The following PDE4B variants were observed in gnomAD, a reference collection of about 807,000 sequenced individuals.
PDE4B encodes 3',5'-cyclic-AMP phosphodiesterase 4B.
In PDE4B, 20 loss-of-function variants were observed where a neutral mutation model predicts 82.2. The observed-to-expected ratio is 0.24, with a 90% confidence interval of 0.17 to 0.35. PDE4B has a LOEUF of 0.35. Ranked by LOEUF, PDE4B falls within the 10% of genes least tolerant of loss-of-function variation. PDE4B has a pLI of 1.00. For missense variants in PDE4B, 655 were observed against 907.2 expected, an observed-to-expected ratio of 0.72 and a Z score of 3.57; for synonymous variants, 320 against 318.9, an observed-to-expected ratio of 1.00 and a Z score of -0.04.
chr1:65,887,055 C>T (rs1240954925), intron 1 of PDE4B, among the ~76,000 whole-genome samples: 1 of 151,866 alleles, frequency 6.6e-6, no homozygotes, highest in African/African-American at 2.4e-5. Flanking sequence ...TTTTAATAGT[C>T]GTTCAACTGG....
In PDE4B at chr1:65,879,513, A is replaced by T. The variant is rs112163481; in HGVS notation, c.-70-33732A>T. Among the ~76,000 whole-genome samples the T allele has an allele frequency of 3.0e-3, 456 of 152,302 alleles. 1 individual carries two copies. The highest frequency in any genetic ancestry group is 0.01 in the African/African-American group (426 of 41,566). On this transcript the variant is annotated intron_variant, in intron 1 of 16. Transcript: ENST00000341517. ...TATGTATAAAATGTATTATAGAAAAATATGAGAAGAGATTTAATTTGGACT... is the reference window on the plus strand; with the variant it reads ...TATGTATAAAATGTATTATAGAAAATTATGAGAAGAGATTTAATTTGGACT...
At chr1:65,895,055 C>T (rs1221116958) in intron 1 of PDE4B, among the ~76,000 whole-genome samples, 7 of 152,092 alleles carry the variant, frequency 4.6e-5, no homozygotes, top group Admixed American at 2.6e-4. Flanking sequence ...CAAATTAAAA[C>T]ATATGTCTTT....
At chr1:66,180,769 A>C (rs764598573) in intron 3 of PDE4B, among the ~76,000 whole-genome samples, 7 of 152,178 alleles carry the variant, frequency 4.6e-5, no homozygotes, top group Non-Finnish European at 1.0e-4. Flanking sequence ...AGTGGTGATC[A>C]GATGTGGAAG....
At chr1:65,997,108 A>G (rs1469626483) in intron 3 of PDE4B, among the ~76,000 whole-genome samples, 1 of 151,830 alleles carries the variant, frequency 6.6e-6, no homozygotes, top group Non-Finnish European at 1.5e-5. Flanking sequence ...AGCTACTGCA[A>G]TGGTCTTGAA....
intron 3 of PDE4B, among the ~76,000 whole-genome samples, chr1:66,237,912 A>T (rs532207703): frequency 5.9e-5 from 9 of 152,308 alleles, no homozygotes; most frequent in Admixed American, 5.9e-4. Context: ...AGTGCAACAG[A>T]TGGCCCTCGT....
intron 1 of PDE4B, among the ~76,000 whole-genome samples, chr1:65,873,046 CA>C (rs949536034): frequency 1.5e-4 from 23 of 152,116 alleles, no homozygotes; most frequent in African/African-American, 5.6e-4. Flanking sequence ...TATGCCAAAA[CA>C]AAAAGCCCCT....
At chr1:65,814,910 C>A (rs1011171852) in intron 1 of PDE4B, among the ~76,000 whole-genome samples, 13 of 151,598 alleles carry the variant, frequency 8.6e-5, no homozygotes, top group Admixed American at 3.3e-4. Context: ...GAGTAAATAC[C>A]TAGTTATGGA....
chr1:65,925,105 C>T (rs1647426377), intron 3 of PDE4B, among the ~76,000 whole-genome samples: 1 of 152,142 alleles, frequency 6.6e-6, no homozygotes, highest in Non-Finnish European at 1.5e-5. Flanking sequence ...AGTTATTTTA[C>T]CCTTTTGCTC....
chr1:66,322,969 G>A (rs1659514009), intron 7 of PDE4B, among the ~76,000 whole-genome samples: 1 of 152,086 alleles, frequency 6.6e-6, no homozygotes, highest in Non-Finnish European at 1.5e-5. Context: ...ATGTCTTCCT[G>A]TAGATATGGG....
chr1:65,811,088 C>T (rs1196016727), intron 1 of PDE4B, among the ~76,000 whole-genome samples: 1 of 152,154 alleles, frequency 6.6e-6, no homozygotes, highest in Non-Finnish European at 1.5e-5. Flanking sequence ...AAAAATGCTT[C>T]AGACATTATC....
intron 1 of PDE4B, among the ~76,000 whole-genome samples, chr1:65,818,882 T>C (rs924961597): frequency 6.6e-6 from 1 of 152,122 alleles, no homozygotes; most frequent in Non-Finnish European, 1.5e-5. Context: ...TCAGGGATAG[T>C]ATTAGTCAAG....
chr1:65,979,331 C>G (rs1258481969), intron 3 of PDE4B, among the ~76,000 whole-genome samples: 3 of 152,180 alleles, frequency 2.0e-5, no homozygotes, highest in Non-Finnish European at 4.4e-5. Context: ...TGAATCATTC[C>G]TTGGTACACA....
intron 3 of PDE4B, among the ~76,000 whole-genome samples, chr1:66,224,506 G>A (rs556539039): frequency 6.6e-6 from 1 of 152,248 alleles, no homozygotes; most frequent in African/African-American, 2.4e-5. Flanking sequence ...ATCATCTGAG[G>A]TCAGGAGTTC....
At chr1:66,322,847 A>G (rs1404512470) in intron 7 of PDE4B, among the ~76,000 whole-genome samples, 1 of 152,136 alleles carries the variant, frequency 6.6e-6, no homozygotes, top group Non-Finnish European at 1.5e-5. Flanking sequence ...TACCTCATTT[A>G]ATCTTCATAA....
At position 65,975,668 on chromosome 1, in the gene PDE4B, G is replaced by GTAGCCT. The variant is rs1418639232; in HGVS notation, c.281+56835_281+56840dup. Among the ~76,000 whole-genome samples the GTAGCCT allele has an allele frequency of 2.0e-4, 30 of 152,290 alleles. 1 individual carries two copies. In the East Asian group the frequency reaches 3.1e-3, roughly 16 times the overall value. ...CTGGCCCAGGGCCCTGTTGCTGTCTGTAGCCTTGGAACAAGGCACCTTGCA... is the reference window on the plus strand; with the variant it reads ...CTGGCCCAGGGCCCTGTTGCTGTCTGTAGCCTTAGCCTTGGAACAAGGCACCTTGCA... On this transcript the variant is annotated intron_variant, in intron 3 of 16. Coordinates refer to ENST00000341517, the MANE Select transcript of PDE4B (RefSeq NM_002600.4).
At chr1:66,265,437 C>T (rs960847828) in intron 6 of PDE4B, among the ~76,000 whole-genome samples, 3 of 152,166 alleles carry the variant, frequency 2.0e-5, no homozygotes, top group Non-Finnish European at 4.4e-5. Context: ...TTGCTTGTTT[C>T]ATTTAACCCC....
intron 3 of PDE4B, among the ~76,000 whole-genome samples, chr1:66,236,781 T>A (rs980042863): frequency 1.3e-5 from 2 of 152,134 alleles, no homozygotes; most frequent in African/African-American, 4.8e-5. Context: ...AATGTATCCA[T>A]AGCAGCAAGA....
intron 7 of PDE4B, among the ~76,000 whole-genome samples, chr1:66,275,116 A>G (rs1380832318): frequency 1.3e-5 from 2 of 152,234 alleles, no homozygotes; most frequent in African/African-American, 4.8e-5. Flanking sequence ...TTCTCTTAAA[A>G]GCAGAGTGCA....
intron 3 of PDE4B, among the ~76,000 whole-genome samples, chr1:66,168,386 G>T (rs1391065335): frequency 6.6e-6 from 1 of 152,168 alleles, no homozygotes; most frequent in Non-Finnish European, 1.5e-5. Context: ...GTTGTGGTAG[G>T]GTGGTCAGAC....
Sources: allele counts gnomAD v4.1 joint callset (sites outside exome capture counted in the v4.1 genomes callset), GRCh38; gene constraint gnomAD v4.1.1; transcripts MANE v1.5; gene names NCBI Gene and HGNC (gene_info 2026-07-23, HGNC 2026-07-21).